Variants in CNTN4 observed in about 807,000 individuals in gnomAD.
The protein encoded by CNTN4 is contactin 4, also known as contactin-4.
A neutral mutation model predicts 122.5 loss-of-function variants in CNTN4; 77 were observed. That is an observed-to-expected ratio of 0.63 (90% confidence interval 0.52 to 0.76). The LOEUF is 0.76. Among genes scored for constraint, CNTN4 ranks in the 30% least tolerant of loss-of-function variants. The probability of loss-of-function intolerance (pLI) is 0.00; values close to 1 mark genes in which losing one functional copy is unlikely to be tolerated. For synonymous variants in CNTN4, 512 were observed against 447.0 expected (o/e 1.15, Z -1.83); for missense variants, 1,256 against 1,259.1 (o/e 1.00, Z 0.04).
At chr3:2,680,985 A>G (rs1464449903) in intron 4 of CNTN4, among the ~76,000 whole-genome samples, 3 of 152,238 alleles carry the variant, frequency 2.0e-5, no homozygotes, top group Non-Finnish European at 4.4e-5. Flanking sequence ...TGTTATGAAG[A>G]AAATGCAATA....
chr3:2,276,060 CTT>C (rs2041497620), intron 2 of CNTN4, among the ~76,000 whole-genome samples: 1 of 151,356 alleles, frequency 6.6e-6, no homozygotes, highest in African/African-American at 2.4e-5. Context: ...TGTCTATAAA[CTT>C]TTATATATTG....
At chr3:2,603,087 C>T (rs1193617979) in intron 4 of CNTN4, among the ~76,000 whole-genome samples, 2 of 148,300 alleles carry the variant, frequency 1.3e-5, no homozygotes, top group African/African-American at 5.0e-5. Flanking sequence ...AGTATTTTCT[C>T]ATTTTTCTGT....
Position 2,677,267 on chromosome 3 carries a change from A to G in CNTN4, c.56-58948A>G, listed in dbSNP as rs185451122. Among the ~76,000 whole-genome samples, 48 of 151,066 alleles carry G rather than the reference A, an allele frequency of 3.2e-4. 1 individual carries two copies. Among genetic ancestry groups the G allele is most frequent in the African/African-American group, 1.1e-3 (47 of 41,288 alleles). ...CCTATATATCTATACATCTATGTAT[A>G]TAGATATAGATCCTGAACACCAGAC... On this transcript the variant is annotated intron_variant, in intron 4 of 24. Transcript: ENST00000418658.
chr3:3,037,506 G>A, intron 18 of CNTN4, 178 bp downstream of exon 18: 1 of 809,842 alleles, frequency 1.2e-6, no homozygotes, highest in Non-Finnish European at 2.0e-6. Context: ...CACGCAACGG[G>A]TTTCAATCAA....
intron 13 of CNTN4, among the ~76,000 whole-genome samples, chr3:2,969,842 A>G (rs990173800): frequency 3.3e-5 from 5 of 152,184 alleles, no homozygotes; most frequent in Admixed American, 2.0e-4. Flanking sequence ...CTGAGAGGCC[A>G]CATGGGAGCA....
chr3:2,406,034 A>AG (rs1439548511), intron 3 of CNTN4, among the ~76,000 whole-genome samples: 3 of 152,112 alleles, frequency 2.0e-5, no homozygotes, highest in Admixed American at 6.6e-5. Flanking sequence ...CTTAAAAAAA[A>AG]GAAAAAAAAC....
intron 4 of CNTN4, among the ~76,000 whole-genome samples, chr3:2,698,336 G>A (rs2086161639): frequency 6.6e-6 from 1 of 152,054 alleles, no homozygotes; most frequent in Admixed American, 6.6e-5. Context: ...ATATATTTGA[G>A]TTTCTGATTA....
In CNTN4 at chr3:2,481,089, C is replaced by T. The variant is rs549108077; in HGVS notation, c.-88-90327C>T. The stretch of plus-strand genomic sequence containing the variant: ...TCTTTCTCTCTTTCTCTCTTTCTCT[C>T]TTTCTTTCTTTCTTTCTCTCTTTCT... On this transcript the variant is annotated intron_variant, in intron 3 of 24. Coordinates refer to ENST00000418658, the MANE Select transcript of CNTN4 (RefSeq NM_175607.3). Among the ~76,000 whole-genome samples the T allele has an allele frequency of 4.8e-5, 6 of 124,470 alleles. No individual in the cohort carries two copies. In the South Asian group the frequency reaches 1.6e-3, roughly 33 times the overall value. 81.7% of individuals were successfully genotyped at this position (124,470 alleles called of 152,430 possible).
chr3:2,352,656 C>T (rs1320918413), intron 3 of CNTN4, among the ~76,000 whole-genome samples: 1 of 152,194 alleles, frequency 6.6e-6, no homozygotes, highest in Non-Finnish European at 1.5e-5. Context: ...TGCAGCCCGC[C>T]AAGCCCGAGC....
intron 13 of CNTN4, among the ~76,000 whole-genome samples, chr3:2,942,413 G>A (rs530668464): frequency 1.1e-4 from 17 of 152,266 alleles, no homozygotes; most frequent in South Asian, 4.1e-4. Context: ...TATAATTATC[G>A]TGTTTATAAA....
At chr3:2,420,852 T>C (rs1205702976) in intron 3 of CNTN4, among the ~76,000 whole-genome samples, 1 of 152,194 alleles carries the variant, frequency 6.6e-6, no homozygotes, top group Non-Finnish European at 1.5e-5. Flanking sequence ...GTGATTAACG[T>C]TTCTGATCAG....
At chr3:2,939,806 A>G (rs1231870534) in intron 13 of CNTN4, among the ~76,000 whole-genome samples, 1 of 152,240 alleles carries the variant, frequency 6.6e-6, no homozygotes, top group African/African-American at 2.4e-5. Flanking sequence ...TGAAAAGCTT[A>G]TCCTGCACTG....
At chr3:2,153,638 T>C (rs73806330) in intron 2 of CNTN4, among the ~76,000 whole-genome samples, 1,970 of 152,164 alleles carry the variant, frequency 0.013, 49 homozygotes, top group African/African-American at 0.046. Flanking sequence ...CGCGAAACCA[T>C]GGTAAGGGTG....
At chr3:2,507,131 T>G (rs1008754950) in intron 3 of CNTN4, among the ~76,000 whole-genome samples, 2 of 152,166 alleles carry the variant, frequency 1.3e-5, no homozygotes, top group African/African-American at 4.8e-5. Context: ...TTATACTTAG[T>G]CGGGTTTTAA....
intron 10 of CNTN4, among the ~76,000 whole-genome samples, chr3:2,897,423 GGCTCT>G (rs1429940099): frequency 7.2e-6 from 1 of 139,780 alleles, no homozygotes; most frequent in Non-Finnish European, 1.5e-5. Context: ...TTAATATGTG[GGCTCT>G]GTATATATTA....
chr3:2,760,298 A>T (rs2090529386), intron 6 of CNTN4, among the ~76,000 whole-genome samples: 1 of 152,172 alleles, frequency 6.6e-6, no homozygotes, highest in South Asian at 2.1e-4. Flanking sequence ...TAAGAGTTTC[A>T]TGGTCTTAGC....
chr3:2,586,257 T>TTTTGTTGTTGTTG (rs1316873382), intron 4 of CNTN4, among the ~76,000 whole-genome samples: 1 of 152,122 alleles, frequency 6.6e-6, no homozygotes, highest in Non-Finnish European at 1.5e-5. Flanking sequence ...CATTCTCCAT[T>TTTTGTTGTTGTTG]TTTGTTGTTG....
chr3:2,645,510 C>A (rs930856841), intron 4 of CNTN4, among the ~76,000 whole-genome samples: 16 of 152,078 alleles, frequency 1.1e-4, no homozygotes, highest in African/African-American at 3.9e-4. Flanking sequence ...ACTGAATAAT[C>A]TCATTTGCAT....
At chr3:2,340,711 A>AGAGAGAGAGAGAGAGGGAGG in intron 3 of CNTN4, among the ~76,000 whole-genome samples, 1 of 49,466 alleles carries the variant, frequency 2.0e-5, no homozygotes, top group African/African-American at 7.1e-5. Context: ...ATATATATAT[A>AGAGAGAGAGAGAGAGGGAGG]GAGAGAGAGA....
Sources: allele counts gnomAD v4.1 joint callset (sites outside exome capture counted in the v4.1 genomes callset), GRCh38; gene constraint gnomAD v4.1.1; transcripts MANE v1.5; gene names NCBI Gene and HGNC (gene_info 2026-07-23, HGNC 2026-07-21).